The following OPN5 variants were observed in gnomAD, a reference collection of about 807,000 sequenced individuals.
OPN5 encodes opsin-5.
A neutral mutation model predicts 41.7 loss-of-function variants in OPN5; 18 were observed. That is an observed-to-expected ratio of 0.43 (90% confidence interval 0.30 to 0.64). The LOEUF (loss-of-function observed/expected upper bound fraction) is 0.64. Ranked by LOEUF, OPN5 falls within the 30% of genes least tolerant of loss-of-function variation. OPN5 has a pLI of 0.13. For synonymous variants in OPN5, 178 were observed against 164.3 expected, an observed-to-expected ratio of 1.08 and a Z score of -0.64; for missense variants, 318 against 434.5, an observed-to-expected ratio of 0.73 and a Z score of 2.38.
At chr6:47,796,131 T>G (rs1002732913) in intron 4 of OPN5, among the ~76,000 whole-genome samples, 1 of 152,146 alleles carries the variant, frequency 6.6e-6, no homozygotes, top group South Asian at 2.1e-4. Flanking sequence ...CTTTAGGTAT[T>G]GTGGAGTAAG....
intron 1 of OPN5, among the ~76,000 whole-genome samples, chr6:47,784,485 A>G (rs1773152446): frequency 6.6e-6 from 1 of 151,938 alleles, no homozygotes; most frequent in South Asian, 2.1e-4. Context: ...TTTAGTAGAG[A>G]CGGGGTTTCG....
chr6:47,802,787 T>C (rs992192188), intron 4 of OPN5, among the ~76,000 whole-genome samples: 1 of 152,230 alleles, frequency 6.6e-6, no homozygotes, highest in African/African-American at 2.4e-5. Flanking sequence ...CAGGAAATAT[T>C]GTATTCAGTT....
intron 6 of OPN5, among the ~76,000 whole-genome samples, chr6:47,819,399 T>TATATATATATATATAA (rs1484297411): frequency 2.6e-4 from 34 of 128,614 alleles, no homozygotes; most frequent in African/African-American, 7.5e-4. Flanking sequence ...TATATATATA[T>TATATATATATATATAA]AAAACAGTAT....
At chr6:47,811,768 T>A in intron 6 of OPN5, 37 bp downstream of exon 6, 2 of 1,389,170 alleles carry the variant, frequency 1.4e-6, no homozygotes, top group Non-Finnish European at 2.0e-6. Context: ...TGGACACTCG[T>A]ATTCACTTAT....
At chr6:47,793,292 A>T (rs1175207503) in intron 3 of OPN5, among the ~76,000 whole-genome samples, 1 of 152,134 alleles carries the variant, frequency 6.6e-6, no homozygotes, top group Non-Finnish European at 1.5e-5. Flanking sequence ...AGTTAAAGAG[A>T]TGATGCCGCC....
chr6:47,788,800 T>A (rs1360239101), intron 2 of OPN5, among the ~76,000 whole-genome samples: 1 of 17,600 alleles, frequency 5.7e-5, no homozygotes, highest in Admixed American at 6.4e-4. Context: ...TATATTAGGA[T>A]AACCTGGGGG....
chr6:47,823,564 G>A lies in OPN5; in HGVS notation c.1057-419G>A, dbSNP rs577175653. On this transcript the variant is annotated intron_variant, in intron 6 of 6. Coordinates refer to ENST00000371211, the Ensembl canonical transcript of OPN5. The stretch of plus-strand genomic sequence containing the variant: ...CACGCTCTCTTCTGGCAAAAAAAAA[G>A]TCTTAAAAAATGAAAAGGAAGGGTA... 5.5e-4 allele frequency: 114 copies of A among 206,984 alleles called. 1 individual carries two copies. In the South Asian group the frequency reaches 0.015, roughly 28 times the overall value. 12.8% of individuals were successfully genotyped at this position (206,984 alleles called of 1,614,324 possible).
At chr6:47,792,978 CT>C (rs1481874083) in intron 3 of OPN5, among the ~76,000 whole-genome samples, 4 of 98,646 alleles carry the variant, frequency 4.1e-5, no homozygotes, top group African/African-American at 1.3e-4. Context: ...TCATCCAGCA[CT>C]ACGTTTTTTT....
At chr6:47,793,333 C>T (rs1773445272) in intron 3 of OPN5, among the ~76,000 whole-genome samples, 1 of 152,144 alleles carries the variant, frequency 6.6e-6, no homozygotes, top group Admixed American at 6.5e-5. Flanking sequence ...GTCATAACTC[C>T]ATATGTGGGA....
intron 2 of OPN5, among the ~76,000 whole-genome samples, chr6:47,788,809 G>GGA (rs1554139125): frequency 6.8e-6 from 1 of 148,136 alleles, no homozygotes; most frequent in Non-Finnish European, 1.5e-5. Context: ...ATAACCTGGG[G>GGA]GGGGGCGGTG....
intron 2 of OPN5, among the ~76,000 whole-genome samples, chr6:47,791,342 C>T (rs1016274754): frequency 1.3e-5 from 2 of 151,488 alleles, no homozygotes; most frequent in Non-Finnish European, 1.5e-5. Flanking sequence ...GAAAGAACTT[C>T]TCTAGAATAG....
Position 47,802,885 on chromosome 6 carries a change from T to C in OPN5, c.757-5269T>C, listed in dbSNP as rs144631797. On this transcript the variant is annotated intron_variant, in intron 4 of 6. Coordinates refer to ENST00000371211, the Ensembl canonical transcript of OPN5. The stretch of plus-strand genomic sequence containing the variant: ...TTCAGTTGCAGCTTTTGCTTGTTTA[T>C]AGAGTAGCGGTATTTTAAGATTCGA... Among the ~76,000 whole-genome samples, 40 of 152,338 alleles carry C rather than the reference T, an allele frequency of 2.6e-4. No individual in the cohort carries two copies. The East Asian group carries it at 6.6e-3, about 25-fold the overall frequency.
exon 6 of OPN5, chr6:47,811,709 C>T: frequency 6.2e-7 from 1 of 1,612,410 alleles, no homozygotes. Flanking sequence ...AAGTCTTCTG[C>T]TGTGCTGGAA....
chr6:47,807,352 T>C (rs868164292), intron 4 of OPN5, among the ~76,000 whole-genome samples: 2 of 152,234 alleles, frequency 1.3e-5, no homozygotes, highest in Non-Finnish European at 1.5e-5. Context: ...AAAGAGTTTG[T>C]TGAATTGAAG....
intron 2 of OPN5, among the ~76,000 whole-genome samples, chr6:47,791,317 A>G (rs562338053): frequency 3.2e-4 from 48 of 151,716 alleles, no homozygotes; most frequent in Non-Finnish European, 5.2e-4. Flanking sequence ...AAAAAATCTT[A>G]ACAGACTAGT....
chr6:47,814,325 G>C (rs1762367740), intron 6 of OPN5, among the ~76,000 whole-genome samples: 1 of 152,060 alleles, frequency 6.6e-6, no homozygotes, highest in African/African-American at 2.4e-5. Flanking sequence ...CCTGAAGACA[G>C]ATAGTTTAAC....
At chr6:47,814,880 T>TGG (rs1224407122) in intron 6 of OPN5, among the ~76,000 whole-genome samples, 2 of 152,142 alleles carry the variant, frequency 1.3e-5, no homozygotes, top group Non-Finnish European at 2.9e-5. Context: ...CAGTGCCTGA[T>TGG]GCATAAAGGA....
intron 2 of OPN5, among the ~76,000 whole-genome samples, chr6:47,787,641 C>T (rs1239494392): frequency 6.6e-6 from 1 of 152,124 alleles, no homozygotes. Context: ...GTGGCTTGCA[C>T]CTGTAATCCC....
At chr6:47,790,409 C>G (rs1357697354) in intron 2 of OPN5, among the ~76,000 whole-genome samples, 3 of 152,156 alleles carry the variant, frequency 2.0e-5, no homozygotes, top group African/African-American at 4.8e-5. Flanking sequence ...CTCTCTTTCT[C>G]TCTCTCTGTG....
Sources: gnomAD v4.1 joint callset for allele counts (sites outside exome capture counted in the v4.1 genomes callset) on GRCh38, gnomAD v4.1.1 for gene constraint, MANE v1.5 for transcripts, NCBI Gene and HGNC (gene_info 2026-07-23, HGNC 2026-07-21) for gene names.